Variants in RIN3 observed in about 807,000 individuals in gnomAD.
RIN3 encodes RAB5 interacting protein 3.
In RIN3, 54 loss-of-function variants were observed where a neutral mutation model predicts 76.3. The observed-to-expected ratio is 0.71, with a 90% CI of 0.57 to 0.89. The LOEUF (loss-of-function observed/expected upper bound fraction) is 0.89, where lower values mean the gene tolerates loss of function less well. Ranked by LOEUF, RIN3 falls within the 40% of genes least tolerant of loss-of-function variation. The pLI is 0.00. For missense variants in RIN3, 1,256 were observed against 1,322.1 expected, an observed-to-expected ratio of 0.95 and a Z score of 0.78; for synonymous variants, 576 against 564.0, an observed-to-expected ratio of 1.02 and a Z score of -0.30.
At chr14:92,624,413 G>A (rs1886281240) in intron 4 of RIN3, among the ~76,000 whole-genome samples, 1 of 152,256 alleles carries the variant, frequency 6.6e-6, no homozygotes. Context: ...AATTTGCACC[G>A]GGTTACATTG....
chr14:92,523,902 A>G (rs1288433444), intron 1 of RIN3, among the ~76,000 whole-genome samples: 1 of 152,180 alleles, frequency 6.6e-6, no homozygotes, highest in Non-Finnish European at 1.5e-5. Flanking sequence ...AGCACAAGAA[A>G]GGCCTGGAGA....
At chr14:92,543,618 CTTTTTTTTTT>C (rs3033757) in intron 1 of RIN3, among the ~76,000 whole-genome samples, 2 of 84,884 alleles carry the variant, frequency 2.4e-5, no homozygotes, top group Non-Finnish European at 2.1e-5. Context: ...AAGGCTTTTG[CTTTTTTTTTT>C]TTTTTTTTTT....
At chr14:92,546,432 C>T (rs1263766528) in intron 1 of RIN3, among the ~76,000 whole-genome samples, 2 of 152,138 alleles carry the variant, frequency 1.3e-5, no homozygotes, top group South Asian at 2.1e-4. Flanking sequence ...TTACTATAGC[C>T]ACTCCACTGA....
intron 4 of RIN3, among the ~76,000 whole-genome samples, chr14:92,622,357 CT>C (rs973503300): frequency 1.6e-4 from 24 of 152,328 alleles, no homozygotes; most frequent in African/African-American, 3.4e-4. Context: ...CTGCTATGAG[CT>C]TTCCTTTGGT....
intron 7 of RIN3, among the ~76,000 whole-genome samples, chr14:92,666,897 C>G (rs1486257207): frequency 6.6e-6 from 1 of 152,190 alleles, no homozygotes; most frequent in Non-Finnish European, 1.5e-5. Context: ...CACCCTGATA[C>G]CACCCACGTG....
chr14:92,532,636 C>T (rs1409671744), intron 1 of RIN3, among the ~76,000 whole-genome samples: 1 of 152,188 alleles, frequency 6.6e-6, no homozygotes, highest in African/African-American at 2.4e-5. Flanking sequence ...ACGTCCCCCA[C>T]TCAACCCCAG....
At chr14:92,563,069 C>A (rs1897818700) in intron 2 of RIN3, among the ~76,000 whole-genome samples, 2 of 152,092 alleles carry the variant, frequency 1.3e-5, no homozygotes, top group Admixed American at 1.3e-4. Context: ...TTGGTAAAAA[C>A]CTTCAGTGGG....
At position 92,562,786 on chromosome 14, in the gene RIN3, G is replaced by A. The variant is rs1297237641; in HGVS notation, c.249+6831G>A. 2.6e-5 allele frequency among the ~76,000 whole-genome samples: 4 copies of A among 152,162 alleles called. No individual in the cohort carries two copies. The Middle Eastern group carries it at 9.5e-3, about 361-fold the overall frequency. ...GTCCTAGAATCAGCCATTTCTCCAA[G>A]AAGCCGTCGTTCCTTTTATAGGGAA... is the stretch of plus-strand genomic sequence containing the variant. On this transcript the variant is annotated intron_variant, in intron 2 of 9. Transcript: ENST00000216487.
intron 3 of RIN3, among the ~76,000 whole-genome samples, chr14:92,580,706 A>G (rs549312723): frequency 3.3e-5 from 5 of 152,388 alleles, no homozygotes; most frequent in African/African-American, 1.2e-4. Context: ...TGCAGCCTCC[A>G]GTTTCCTAGG....
rs189476318 is a variant in RIN3 at position 92,652,183 on chromosome 14, G to A, written c.1134G>A (p.Ala378=). ...LQQVPAPPLP[A]KKNLPTAPPR... The stretch of plus-strand genomic sequence containing the variant: ...AGGTCCCCGCCCCGCCACTGCCTGC[G>A]AAGAAGAACCTTCCCACTGCCCCTC... Residue 378 remains alanine, a synonymous_variant, in exon 6 of 10, where the codon GCG becomes GCA. Transcript: ENST00000216487. The surrounding 1 kb of genome is among the most constrained non-coding windows in gnomAD (Gnocchi z 6.4). The A allele has an allele frequency of 4.6e-5, 73 of 1,604,220 alleles. 2 individuals are homozygous for A. In the South Asian group the frequency reaches 6.0e-4, roughly 13 times the overall value.
At chr14:92,676,306 G>A (rs733447) in intron 7 of RIN3, among the ~76,000 whole-genome samples, 169 bp from the exon 8 acceptor site, 27,376 of 151,898 alleles carry the variant, frequency 0.18, 2,728 homozygotes, top group East Asian at 0.32. Context: ...CTCCTGAGGA[G>A]GCTGCTCCCT....
In RIN3 at chr14:92,579,988, C is replaced by T. The variant is rs182190633; in HGVS notation, c.367+2511C>T. 5.3e-5 allele frequency among the ~76,000 whole-genome samples: 8 copies of T among 152,302 alleles called. No homozygotes were observed. In the East Asian group the frequency reaches 1.4e-3, roughly 26 times the overall value. On this transcript the variant is annotated intron_variant, in intron 3 of 9. Coordinates refer to ENST00000216487, the MANE Select transcript of RIN3 (RefSeq NM_024832.5). The stretch of plus-strand genomic sequence containing the variant: ...GTTCAATTGAAGGTTAATCTTCTAG[C>T]CCTAGAAGTAGACTAGGAAGGGAAT...
chr14:92,593,088 C>T (rs1019873137), intron 3 of RIN3, among the ~76,000 whole-genome samples: 15 of 151,814 alleles, frequency 9.9e-5, no homozygotes, highest in African/African-American at 3.1e-4. Flanking sequence ...AGCAGTATAG[C>T]GTTATTTGAA....
chr14:92,662,246 C>T (rs1042877603), intron 7 of RIN3, among the ~76,000 whole-genome samples: 3 of 149,454 alleles, frequency 2.0e-5, no homozygotes, highest in Non-Finnish European at 3.0e-5. Flanking sequence ...CAGCAGGGGT[C>T]GGGGAGGGAG....
intron 1 of RIN3, among the ~76,000 whole-genome samples, chr14:92,552,524 G>A (rs2140031357): frequency 6.6e-6 from 1 of 152,180 alleles, no homozygotes; most frequent in South Asian, 2.1e-4. Flanking sequence ...GATGCTCATG[G>A]GGCCCTCCCC....
chr14:92,580,151 C>T (rs577971185), intron 3 of RIN3, among the ~76,000 whole-genome samples: 3 of 152,294 alleles, frequency 2.0e-5, no homozygotes, highest in Non-Finnish European at 2.9e-5. Context: ...CCGAGGCAGG[C>T]GGATCACGAA....
At chr14:92,607,438 G>A (rs1342820734) in intron 3 of RIN3, among the ~76,000 whole-genome samples, 1 of 152,204 alleles carries the variant, frequency 6.6e-6, no homozygotes, top group Admixed American at 6.5e-5. Flanking sequence ...AAGGCTAGGA[G>A]TTACCCATCT....
In RIN3 at chr14:92,631,228, G is replaced by A. The variant is rs367833013; in HGVS notation, c.441-10010G>A. On this transcript the variant is annotated intron_variant, in intron 4 of 9. Transcript: ENST00000216487. ...TGTCAGTGAGCACTTGGGGCCCGGG[G>A]GGCTGGGCTGGGAGCCTGTTCCTGG... Among the ~76,000 whole-genome samples the A allele has an allele frequency of 1.6e-4, 24 of 152,256 alleles. No homozygotes were observed. In the East Asian group the frequency reaches 2.7e-3, roughly 17 times the overall value.
intron 3 of RIN3, among the ~76,000 whole-genome samples, chr14:92,614,745 C>T (rs1885882009): frequency 6.6e-6 from 1 of 151,346 alleles, no homozygotes; most frequent in Non-Finnish European, 1.5e-5. Flanking sequence ...TCGCCTTCCA[C>T]CGTAATTATG....
Sources: gnomAD v4.1 joint callset for allele counts (sites outside exome capture counted in the v4.1 genomes callset) on GRCh38, gnomAD v4.1.1 for gene constraint, Gnocchi (gnomAD v3.1) non-coding constraint, MANE v1.5 for transcripts, NCBI Gene and HGNC (gene_info 2026-07-23, HGNC 2026-07-21) for gene names.